Variants in FYN observed in about 807,000 individuals in gnomAD.
FYN encodes tyrosine-protein kinase Fyn.
A neutral mutation model predicts 70.2 loss-of-function variants in FYN; 10 were observed. The ratio of observed to expected loss-of-function variants is 0.14; its 90% CI spans 0.09 to 0.24. The LOEUF is 0.24. Ranked by LOEUF, FYN falls within the 10% of genes least tolerant of loss-of-function variation. The pLI, the probability that FYN is intolerant of heterozygous loss-of-function variation, is 1.00. For synonymous variants in FYN, 236 were observed against 248.6 expected, an observed-to-expected ratio of 0.95 and a Z score of 0.48; for missense variants, 319 against 673.1, an observed-to-expected ratio of 0.47 and a Z score of 5.82.
chr6:111,755,969 A>G (rs1023813092), intron 3 of FYN, among the ~76,000 whole-genome samples: 1 of 152,150 alleles, frequency 6.6e-6, no homozygotes, highest in Non-Finnish European at 1.5e-5. Flanking sequence ...CAGAAAGTAA[A>G]TAAGAGTACA....
At chr6:111,726,066 C>G (rs941669466) in intron 3 of FYN, among the ~76,000 whole-genome samples, 1 of 152,210 alleles carries the variant, frequency 6.6e-6, no homozygotes, top group Admixed American at 6.5e-5. Flanking sequence ...GTGGTCAGAG[C>G]TGAGAACAGC....
chr6:111,857,121 C>G (rs151300881), intron 1 of FYN, among the ~76,000 whole-genome samples: 1 of 152,124 alleles, frequency 6.6e-6, no homozygotes, highest in African/African-American at 2.4e-5. Flanking sequence ...TAAACTGATA[C>G]TTTATTTAGC....
At position 111,661,081 on chromosome 6, in the gene FYN, T is replaced by C. The variant is rs149639563; in HGVS notation, c.*658A>G. 1.3e-5 allele frequency: 2 copies of C among 152,262 alleles called. No homozygotes were observed. Among genetic ancestry groups the C allele is most frequent in the East Asian group, 1.9e-4 (1 of 5,190 alleles). 9.4% of individuals were successfully genotyped at this position (152,262 alleles called of 1,614,324 possible). A position where few individuals can be genotyped will look rare whatever the true frequency, so the allele number is the denominator to read the frequency against. On this transcript the variant is annotated 3_prime_UTR_variant, in exon 14 of 14. Transcript: ENST00000354650. The surrounding 1 kb of genome is among the most constrained non-coding windows in gnomAD (Gnocchi z 4.0). ...ATTCATGCTTTGCAAAAGCCAAAAA[T>C]GAGGCCACTGGTGTTTTCAGAATAA...
intron 2 of FYN, among the ~76,000 whole-genome samples, chr6:111,827,018 G>A (rs550250176): frequency 7.9e-5 from 12 of 152,268 alleles, no homozygotes; most frequent in African/African-American, 2.9e-4. Flanking sequence ...GCCCTTATCA[G>A]AGCTCTTTCC....
chr6:111,661,531 GT>G lies in FYN; in HGVS notation c.*207del, dbSNP rs1410535480. On this transcript the variant is annotated 3_prime_UTR_variant, in exon 14 of 14. Coordinates refer to ENST00000354650, the MANE Select transcript of FYN (RefSeq NM_002037.5). This position sits in a 1 kb window ranked among gnomAD's most constrained non-coding sequence, Gnocchi z 4.0. ...TTTCCAAAGTCTGAGAAATAACAAGGTTCTGTCTCGAATGCTTCACAGAGGA... is the reference window on the plus strand; with the variant it reads ...TTTCCAAAGTCTGAGAAATAACAAGGTCTGTCTCGAATGCTTCACAGAGGA... The G allele has an allele frequency of 1.8e-6, 1 of 553,954 alleles. No homozygotes were observed. The highest frequency in any genetic ancestry group is 2.9e-5 in the East Asian group (1 of 34,424). 34.3% of individuals were successfully genotyped at this position (553,954 alleles called of 1,614,324 possible).
chr6:111,769,162 A>T (rs965871539), intron 3 of FYN, among the ~76,000 whole-genome samples: 18 of 152,220 alleles, frequency 1.2e-4, no homozygotes, highest in Admixed American at 9.8e-4. Flanking sequence ...AAGAAAATTC[A>T]TTTGTATTAC....
At chr6:111,793,577 T>G (rs1348049096) in intron 2 of FYN, 2 of 152,198 alleles carry the variant, frequency 1.3e-5, no homozygotes, top group South Asian at 2.1e-4. Flanking sequence ...TCTGGATAAA[T>G]GCATAATTTC....
At chr6:111,831,212 G>C (rs1327202) in intron 2 of FYN, among the ~76,000 whole-genome samples, 1 of 151,870 alleles carries the variant, frequency 6.6e-6, no homozygotes, top group South Asian at 2.1e-4. Context: ...CTGCTTGATA[G>C]ATGTGCCATG....
intron 12 of FYN, among the ~76,000 whole-genome samples, chr6:111,686,168 C>A (rs1042462286): frequency 6.6e-6 from 1 of 152,132 alleles, no homozygotes; most frequent in Non-Finnish European, 1.5e-5. Flanking sequence ...CCTGCTCCCC[C>A]TAACTATTAA....
chr6:111,728,442 A>T (rs1320139840), intron 3 of FYN, among the ~76,000 whole-genome samples: 1 of 141,094 alleles, frequency 7.1e-6, no homozygotes, highest in Non-Finnish European at 1.6e-5. Flanking sequence ...TCCATTATCT[A>T]ATTCCAGAAC....
At chr6:111,819,842 T>C (rs1772602316) in intron 2 of FYN, 1 of 152,204 alleles carries the variant, frequency 6.6e-6, no homozygotes, top group African/African-American at 2.4e-5. Context: ...TTAAAAAATA[T>C]TATTCTCAAA....
In FYN at chr6:111,684,279, T is replaced by C. The variant is rs141334037; in HGVS notation, c.1274-9649A>G. Among the ~76,000 whole-genome samples, 304 of 152,044 alleles carry C rather than the reference T, an allele frequency of 2.0e-3. 3 individuals carry two copies. The highest frequency in any genetic ancestry group is 6.9e-3 in the African/African-American group (288 of 41,468). On this transcript the variant is annotated intron_variant, in intron 12 of 13. Transcript: ENST00000354650. ...TATTGCAAAGATAAGGTTGATTAAG[T>C]AGGCACAGATCCAAAGTCTGGTTGA...
chr6:111,854,178 C>T (rs2114500786), intron 1 of FYN, among the ~76,000 whole-genome samples: 1 of 152,304 alleles, frequency 6.6e-6, no homozygotes, highest in South Asian at 2.1e-4. Context: ...TGCAGCTTCT[C>T]CCATACCTTG....
At chr6:111,836,272 G>C (rs1051803238) in intron 2 of FYN, among the ~76,000 whole-genome samples, 1 of 152,110 alleles carries the variant, frequency 6.6e-6, no homozygotes, top group African/African-American at 2.4e-5. Context: ...GCGATATGAC[G>C]GAAAATATGA....
chr6:111,756,278 T>A (rs35552830), intron 3 of FYN, among the ~76,000 whole-genome samples: 17,657 of 152,064 alleles, frequency 0.12, 1,398 homozygotes, highest in Non-Finnish European at 0.17. Context: ...AAATTATTAT[T>A]CTAACAAGAC....
chr6:111,840,472 G>A (rs2114454209), intron 2 of FYN, among the ~76,000 whole-genome samples: 1 of 152,312 alleles, frequency 6.6e-6, no homozygotes, highest in South Asian at 2.1e-4. Context: ...CTCCATCTCT[G>A]AAGGTATCGT....
chr6:111,820,460 A>T (rs996260408), intron 2 of FYN, among the ~76,000 whole-genome samples: 1 of 152,134 alleles, frequency 6.6e-6, no homozygotes, highest in Non-Finnish European at 1.5e-5. Context: ...AAGCAAAATT[A>T]ATATATTACT....
chr6:111,825,618 T>C (rs1772808420), intron 2 of FYN, among the ~76,000 whole-genome samples: 1 of 152,156 alleles, frequency 6.6e-6, no homozygotes. Context: ...GTAACACATA[T>C]TCCCAGGCTT....
chr6:111,852,576 A>G (rs1241313135), intron 1 of FYN, among the ~76,000 whole-genome samples: 5 of 152,224 alleles, frequency 3.3e-5, no homozygotes, highest in Non-Finnish European at 7.3e-5. Context: ...TATGGAAATT[A>G]TCTCATTTTA....
Sources: allele counts gnomAD v4.1 joint callset (sites outside exome capture counted in the v4.1 genomes callset), GRCh38; gene constraint gnomAD v4.1.1; non-coding constraint Gnocchi (gnomAD v3.1); transcripts MANE v1.5; gene names NCBI Gene and HGNC (gene_info 2026-07-23, HGNC 2026-07-21).